The following STXBP5L variants were observed in gnomAD, a reference collection of about 807,000 sequenced individuals.
STXBP5L encodes the protein syntaxin-binding protein 5-like.
A neutral mutation model predicts 144.5 loss-of-function variants in STXBP5L; 65 were observed. The ratio of observed to expected loss-of-function variants is 0.45; its 90% confidence interval spans 0.37 to 0.55. The LOEUF (loss-of-function observed/expected upper bound fraction) is 0.55, where lower values mean the gene tolerates loss of function less well. Among genes scored for constraint, STXBP5L ranks in the 20% least tolerant of loss-of-function variants. The probability of loss-of-function intolerance (pLI) is 0.00; values close to 1 mark genes in which losing one functional copy is unlikely to be tolerated. For missense variants in STXBP5L, 1,298 were observed against 1,405.5 expected, an observed-to-expected ratio of 0.92 and a Z score of 1.22; for synonymous variants, 505 against 469.6, an observed-to-expected ratio of 1.08 and a Z score of -0.97.
chr3:120,916,789 CTTTT>C (rs1437190077), intron 2 of STXBP5L, among the ~76,000 whole-genome samples: 1 of 152,010 alleles, frequency 6.6e-6, no homozygotes, highest in Non-Finnish European at 1.5e-5. Flanking sequence ...TTTTATCTTT[CTTTT>C]ATTTTTACTT....
intron 9 of STXBP5L, among the ~76,000 whole-genome samples, chr3:121,204,463 A>G (rs2048259289): frequency 6.6e-6 from 1 of 152,194 alleles, no homozygotes; most frequent in African/African-American, 2.4e-5. Context: ...GCCAAGCAGC[A>G]GATATTGATT....
At chr3:120,975,709 A>T (rs1940903834) in intron 3 of STXBP5L, among the ~76,000 whole-genome samples, 1 of 152,148 alleles carries the variant, frequency 6.6e-6, no homozygotes, top group African/African-American at 2.4e-5. Context: ...TTATTTTGAG[A>T]TACGTCCCAT....
At chr3:121,311,056 C>T (rs1459760105) in intron 19 of STXBP5L, among the ~76,000 whole-genome samples, 3 of 152,120 alleles carry the variant, frequency 2.0e-5, no homozygotes, top group Non-Finnish European at 4.4e-5. Context: ...AGCAGTCCAA[C>T]ATAAAAAATA....
chr3:120,973,070 A>C (rs935796444), intron 3 of STXBP5L, among the ~76,000 whole-genome samples: 1 of 152,052 alleles, frequency 6.6e-6, no homozygotes, highest in Admixed American at 6.6e-5. Flanking sequence ...TTGGTATCAA[A>C]ATGATACTGG....
chr3:121,051,067 G>A (rs1477121827), intron 5 of STXBP5L, among the ~76,000 whole-genome samples: 1 of 152,150 alleles, frequency 6.6e-6, no homozygotes, highest in East Asian at 1.9e-4. Context: ...CAATACAGGA[G>A]CACCCAGATT....
At chr3:121,417,882 C>G (rs1287967869) in intron 25 of STXBP5L, among the ~76,000 whole-genome samples, 1 of 151,170 alleles carries the variant, frequency 6.6e-6, no homozygotes, top group Non-Finnish European at 1.5e-5. Context: ...TCAGTATTTA[C>G]AGAGAGAGAG....
chr3:120,957,176 C>G (rs1303740091), intron 3 of STXBP5L, among the ~76,000 whole-genome samples: 1 of 151,824 alleles, frequency 6.6e-6, no homozygotes, highest in Non-Finnish European at 1.5e-5. Flanking sequence ...TTCCACTGAT[C>G]TATAGGTATG....
intron 9 of STXBP5L, among the ~76,000 whole-genome samples, chr3:121,192,599 G>A (rs2047741833): frequency 6.6e-6 from 1 of 152,170 alleles, no homozygotes; most frequent in Non-Finnish European, 1.5e-5. Context: ...AATCAAAACA[G>A]CATGGTACTG....
At chr3:121,373,407 T>A (rs2046089686) in intron 20 of STXBP5L, among the ~76,000 whole-genome samples, 1 of 152,182 alleles carries the variant, frequency 6.6e-6, no homozygotes, top group Non-Finnish European at 1.5e-5. Context: ...AGGGAGGGAA[T>A]TCGTGCTGGG....
chr3:120,980,295 C>T (rs1007011944), intron 3 of STXBP5L, among the ~76,000 whole-genome samples: 13 of 152,210 alleles, frequency 8.5e-5, no homozygotes, highest in Admixed American at 2.0e-4. Flanking sequence ...CCTCAATGAT[C>T]TGTTTAATGC....
intron 3 of STXBP5L, among the ~76,000 whole-genome samples, chr3:120,979,657 G>C (rs1441391332): frequency 6.6e-6 from 1 of 152,184 alleles, no homozygotes; most frequent in South Asian, 2.1e-4. Context: ...ACTGGGAGCT[G>C]TAGACTGGAG....
intron 3 of STXBP5L, among the ~76,000 whole-genome samples, chr3:120,977,338 G>A (rs1013519998): frequency 6.6e-6 from 1 of 152,140 alleles, no homozygotes; most frequent in Non-Finnish European, 1.5e-5. Context: ...TTGGTTTAAA[G>A]TCTGTTTTGT....
chr3:121,416,049 T>C, intron 25 of STXBP5L, 81 bp downstream of exon 25: 1 of 1,039,634 alleles, frequency 9.6e-7, no homozygotes, highest in Non-Finnish European at 1.4e-6. Context: ...TGTAACTTAA[T>C]GTAATATGTG....
intron 11 of STXBP5L, among the ~76,000 whole-genome samples, chr3:121,231,371 T>C (rs2049304561): frequency 1.3e-5 from 2 of 152,326 alleles, no homozygotes; most frequent in South Asian, 2.1e-4. Flanking sequence ...ACTGGAGATA[T>C]TGATATTCCC....
intron 5 of STXBP5L, among the ~76,000 whole-genome samples, chr3:121,065,782 A>C (rs2041514639): frequency 6.6e-6 from 1 of 152,290 alleles, no homozygotes; most frequent in Non-Finnish European, 1.5e-5. Flanking sequence ...ACAAATTAAA[A>C]TTGTGGCCAG....
chr3:121,105,345 G>A (rs992913029), intron 5 of STXBP5L, among the ~76,000 whole-genome samples: 28 of 151,614 alleles, frequency 1.8e-4, no homozygotes, highest in African/African-American at 5.3e-4. Flanking sequence ...GCAGTGAGCC[G>A]AGATCACGCC....
chr3:121,050,503 G>C (rs1947885148), intron 5 of STXBP5L, among the ~76,000 whole-genome samples: 1 of 152,074 alleles, frequency 6.6e-6, no homozygotes, highest in African/African-American at 2.4e-5. Context: ...AATTGAAGGA[G>C]AAATAAAATA....
chr3:121,080,592 C>G (rs1351973269), intron 5 of STXBP5L, among the ~76,000 whole-genome samples: 1 of 152,150 alleles, frequency 6.6e-6, no homozygotes, highest in African/African-American at 2.4e-5. Flanking sequence ...CTTAATTTTG[C>G]TGGATACCAA....
chr3:120,962,569 C>G (rs948977238), intron 3 of STXBP5L, among the ~76,000 whole-genome samples: 2 of 152,092 alleles, frequency 1.3e-5, no homozygotes, highest in Non-Finnish European at 2.9e-5. Flanking sequence ...TCAGATTTGT[C>G]AAAGATCAGA....
Sources: gnomAD v4.1 joint callset for allele counts (sites outside exome capture counted in the v4.1 genomes callset) on GRCh38, gnomAD v4.1.1 for gene constraint, MANE v1.5 for transcripts, NCBI Gene and HGNC (gene_info 2026-07-23, HGNC 2026-07-21) for gene names.